LRMDA: variants seen among roughly 807,000 people sequenced by gnomAD.
LRMDA encodes the protein leucine-rich melanocyte differentiation-associated protein.
In LRMDA, 18 loss-of-function variants were observed where a neutral mutation model predicts 29.8. The observed-to-expected ratio is 0.60, with a 90% CI of 0.42 to 0.90. LRMDA has a LOEUF of 0.90. LRMDA is among the 40% of genes least tolerant of loss of function. The probability of loss-of-function intolerance (pLI) is 0.00; values close to 1 mark genes in which losing one functional copy is unlikely to be tolerated. For missense variants in LRMDA, 273 were observed against 273.9 expected (o/e 1.00, Z 0.02); for synonymous variants, 125 against 109.4 (o/e 1.14, Z -0.89).
chr10:76,297,928 G>A (rs1222133839), intron 5 of LRMDA, among the ~76,000 whole-genome samples: 1 of 152,198 alleles, frequency 6.6e-6, no homozygotes, highest in Non-Finnish European at 1.5e-5. Flanking sequence ...CATAGTTAAA[G>A]CTTCCAGCTG....
chr10:76,043,630 A>G (rs1865633), intron 3 of LRMDA, among the ~76,000 whole-genome samples: 66,572 of 151,776 alleles, frequency 0.44, 15,148 homozygotes, highest in Non-Finnish European at 0.46. Context: ...GCCTATGCAA[A>G]CAAGAAACCC....
intron 2 of LRMDA, among the ~76,000 whole-genome samples, chr10:75,967,860 G>A (rs1211253563): frequency 6.6e-6 from 1 of 152,150 alleles, no homozygotes; most frequent in South Asian, 2.1e-4. Flanking sequence ...CCCCACATCA[G>A]TGGAGACAGG....
chr10:75,490,937 C>T (rs1013254896), intron 2 of LRMDA, among the ~76,000 whole-genome samples: 1 of 152,082 alleles, frequency 6.6e-6, no homozygotes, highest in Non-Finnish European at 1.5e-5. Context: ...TTCCTTGTAT[C>T]AGGAGTACAA....
intron 6 of LRMDA, among the ~76,000 whole-genome samples, chr10:76,487,148 G>A (rs916073634): frequency 2.6e-5 from 4 of 151,882 alleles, no homozygotes; most frequent in African/African-American, 9.7e-5. Flanking sequence ...TATGAAGGAT[G>A]TTGAATGTGC....
At chr10:75,920,341 T>A (rs1174808060) in intron 2 of LRMDA, among the ~76,000 whole-genome samples, 4 of 152,206 alleles carry the variant, frequency 2.6e-5, no homozygotes, top group Non-Finnish European at 5.9e-5. Flanking sequence ...GCTTTTTCTC[T>A]ATGAGCACTT....
chr10:75,938,523 C>A (rs554184047), intron 2 of LRMDA, among the ~76,000 whole-genome samples: 1 of 152,280 alleles, frequency 6.6e-6, no homozygotes, highest in South Asian at 2.1e-4. Context: ...GGAGCTATAG[C>A]GCCTGGTCCG....
At chr10:76,544,378 A>G (rs770511529) in intron 6 of LRMDA, among the ~76,000 whole-genome samples, 1 of 152,184 alleles carries the variant, frequency 6.6e-6, no homozygotes, top group African/African-American at 2.4e-5. Context: ...AAGCCATCAA[A>G]GTAGTACATT....
At chr10:76,025,102 C>T (rs960034277) in intron 2 of LRMDA, among the ~76,000 whole-genome samples, 5 of 151,926 alleles carry the variant, frequency 3.3e-5, no homozygotes, top group South Asian at 2.1e-4. Context: ...AGGCTCCATG[C>T]GTGCATGTGT....
chr10:76,004,925 C>T (rs1249098406), intron 2 of LRMDA, among the ~76,000 whole-genome samples: 3 of 152,022 alleles, frequency 2.0e-5, no homozygotes, highest in Non-Finnish European at 4.4e-5. Flanking sequence ...GGCAGGGTTT[C>T]ACCTTGTTAG....
intron 5 of LRMDA, among the ~76,000 whole-genome samples, chr10:76,284,138 G>A (rs372706324): frequency 1.3e-5 from 2 of 152,148 alleles, no homozygotes; most frequent in African/African-American, 2.4e-5. Context: ...ACAATCATCC[G>A]AATATGTCCA....
chr10:76,065,663 G>T (rs545337712), intron 5 of LRMDA, among the ~76,000 whole-genome samples: 4 of 152,216 alleles, frequency 2.6e-5, no homozygotes, highest in East Asian at 1.9e-4. Context: ...TGGATACTTT[G>T]TCCTGCCTCT....
chr10:76,293,034 T>TCTCGG (rs1290650437), intron 5 of LRMDA, among the ~76,000 whole-genome samples: 2 of 152,182 alleles, frequency 1.3e-5, no homozygotes, highest in African/African-American at 2.4e-5. Context: ...AGCAGCACAA[T>TCTCGG]CTCGGCTCGG....
chr10:75,839,414 C>G (rs1361003573), intron 2 of LRMDA, among the ~76,000 whole-genome samples: 1 of 152,186 alleles, frequency 6.6e-6, no homozygotes, highest in East Asian at 1.9e-4. Flanking sequence ...GCTGAATGCA[C>G]TTCTTTTTCT....
intron 5 of LRMDA, among the ~76,000 whole-genome samples, chr10:76,253,091 T>C (rs1852515561): frequency 6.6e-6 from 1 of 152,232 alleles, no homozygotes; most frequent in Non-Finnish European, 1.5e-5. Flanking sequence ...TTTATTTTTA[T>C]ATAAGCGACT....
chr10:75,971,880 A>G (rs567612963), intron 2 of LRMDA, among the ~76,000 whole-genome samples: 2 of 152,090 alleles, frequency 1.3e-5, no homozygotes, highest in Non-Finnish European at 2.9e-5. Flanking sequence ...TTGGCCAACG[A>G]CTTCTGTGTG....
At chr10:76,057,768 G>A (rs78699166) in intron 4 of LRMDA, among the ~76,000 whole-genome samples, 3,991 of 152,276 alleles carry the variant, frequency 0.026, 178 homozygotes, top group African/African-American at 0.09. Flanking sequence ...GAAACAACTC[G>A]CTTGTTTGAT....
chr10:75,702,489 C>T (rs76622307), intron 2 of LRMDA, among the ~76,000 whole-genome samples: 16,916 of 152,156 alleles, frequency 0.11, 981 homozygotes, highest in Middle Eastern at 0.18. Context: ...ATTGGGTCTC[C>T]TTTCTTCACT....
intron 2 of LRMDA, among the ~76,000 whole-genome samples, chr10:75,705,728 T>G (rs539480473): frequency 6.6e-6 from 1 of 152,154 alleles, no homozygotes; most frequent in African/African-American, 2.4e-5. Context: ...AAATGGCTCT[T>G]ATTCCATCCT....
chr10:76,423,989 C>T (rs1192766489), intron 6 of LRMDA, among the ~76,000 whole-genome samples: 1 of 152,154 alleles, frequency 6.6e-6, no homozygotes, highest in Non-Finnish European at 1.5e-5. Flanking sequence ...AGAGGGGCTC[C>T]TTTGTGATCC....
Sources: allele counts gnomAD v4.1 joint callset (sites outside exome capture counted in the v4.1 genomes callset), GRCh38; gene constraint gnomAD v4.1.1; transcripts MANE v1.5; gene names NCBI Gene and HGNC (gene_info 2026-07-23, HGNC 2026-07-21).